The following FGF6 variants were observed in gnomAD, a reference collection of about 807,000 sequenced individuals.
The protein encoded by FGF6 is fibroblast growth factor 6.
FGF6 carries 14 observed loss-of-function variants against 18.4 expected under a neutral mutation model. The ratio of observed to expected loss-of-function variants is 0.76; its 90% confidence interval spans 0.50 to 1.19. FGF6 has a LOEUF of 1.19. Among genes scored for constraint, FGF6 ranks in the 50% most tolerant of loss-of-function variants. The pLI is 0.00. For missense variants in FGF6, 266 were observed against 271.6 expected (o/e 0.98, Z 0.15); for synonymous variants, 125 against 116.7 (o/e 1.07, Z -0.46).
intron 2 of FGF6, among the ~76,000 whole-genome samples, chr12:4,441,307 C>T (rs1865687477): frequency 6.6e-6 from 1 of 152,164 alleles, no homozygotes; most frequent in Non-Finnish European, 1.5e-5. Flanking sequence ...GTAGGTTGGC[C>T]AGGAACTGGA....
intron 2 of FGF6, among the ~76,000 whole-genome samples, chr12:4,443,876 C>T (rs1332426462): frequency 6.6e-6 from 1 of 152,258 alleles, no homozygotes; most frequent in South Asian, 2.1e-4. Context: ...GCTCCCTGAG[C>T]TGTGGTTTCC....
intron 2 of FGF6, among the ~76,000 whole-genome samples, chr12:4,441,657 G>A (rs1865692137): frequency 6.6e-6 from 1 of 151,990 alleles, no homozygotes; most frequent in African/African-American, 2.4e-5. Context: ...TCGTTGCCTT[G>A]TCCCCCTCAC....
intron 2 of FGF6, among the ~76,000 whole-genome samples, chr12:4,435,470 C>T (rs1471648521): frequency 6.6e-6 from 1 of 152,198 alleles, no homozygotes; most frequent in Non-Finnish European, 1.5e-5. Flanking sequence ...ATCACTCACC[C>T]TGTCCATGGA....
rs17183578 is a variant in FGF6, at chr12:4,444,350, A to G, written c.347-114T>C. Reference sequence around the variant, plus strand: ...CTTCTCCTAGAAAGCCAGACTCTCCATTGCCCCATCCATGATCCCTCTAAC... The same window carrying G: ...CTTCTCCTAGAAAGCCAGACTCTCCGTTGCCCCATCCATGATCCCTCTAAC... On this transcript the variant is annotated intron_variant, in intron 1 of 2. Coordinates refer to ENST00000228837, the MANE Select transcript of FGF6 (RefSeq NM_020996.3). 1.2e-3 allele frequency: 810 copies of G among 698,034 alleles called. 10 individuals carry two copies. In the East Asian group the frequency reaches 0.017, roughly 15 times the overall value. The allele number at this position is 698,034 out of a possible 1,614,324, so 43.2% of individuals were successfully genotyped here.
intron 2 of FGF6, among the ~76,000 whole-genome samples, chr12:4,442,555 A>G (rs551395129): frequency 6.6e-6 from 1 of 151,926 alleles, no homozygotes; most frequent in East Asian, 1.9e-4. Flanking sequence ...TTTACTTGCT[A>G]AAACGTCCCT....
intron 2 of FGF6, among the ~76,000 whole-genome samples, chr12:4,438,751 CA>C (rs386375443): frequency 3.7e-3 from 147 of 39,692 alleles, no homozygotes; most frequent in African/African-American, 9.4e-3. Flanking sequence ...GACTCTATCT[CA>C]AAAAAAAAAA....
At chr12:4,441,229 C>T (rs1489715136) in intron 2 of FGF6, among the ~76,000 whole-genome samples, 1 of 152,210 alleles carries the variant, frequency 6.6e-6, no homozygotes, top group Non-Finnish European at 1.5e-5. Flanking sequence ...GCCTCATCCT[C>T]AGAGAGCAGA....
chr12:4,441,848 T>C (rs534115116), intron 2 of FGF6, among the ~76,000 whole-genome samples: 1 of 152,194 alleles, frequency 6.6e-6, no homozygotes, highest in East Asian at 1.9e-4. Context: ...ATTGTTTTTT[T>C]AGACTGTGAT....
Position 4,445,325 on chromosome 12 carries a change from G to T in FGF6, c.246C>A (p.Ile82=), listed in dbSNP as rs1865747513. The part of the protein sequence containing the change: ...VNWESGYLVG[I]KRQRRLYCNV... ...TGCAGTAGAGCCTCCGCTGCCGCTT[G>T]ATCCCCACCAAATAGCCACTTTCCC... Residue 82 remains isoleucine, a synonymous_variant, in exon 1 of 3, where the codon ATC becomes ATA. Coordinates refer to ENST00000228837, the MANE Select transcript of FGF6 (RefSeq NM_020996.3). The surrounding 1 kb of genome is among the most constrained non-coding windows in gnomAD (Gnocchi z 5.5). The T allele has an allele frequency of 1.2e-6, 2 of 1,614,092 alleles. No homozygotes were observed. Among genetic ancestry groups the T allele is most frequent in the South Asian group, 1.1e-5 (1 of 91,090 alleles).
chr12:4,442,920 C>T (rs1330765323), intron 2 of FGF6, among the ~76,000 whole-genome samples: 1 of 152,216 alleles, frequency 6.6e-6, no homozygotes. Context: ...ATTTAAAATA[C>T]AAAAACAAAT....
intron 2 of FGF6, among the ~76,000 whole-genome samples, chr12:4,440,039 G>A (rs1865672770): frequency 6.6e-6 from 1 of 152,196 alleles, no homozygotes; most frequent in Non-Finnish European, 1.5e-5. Flanking sequence ...CATGGCTTGG[G>A]AATGTTGGCC....
rs181275057 is a variant in FGF6, at chr12:4,435,606, A to T, written c.451-1215T>A. Reference sequence around the variant, plus strand: ...AGGAGCAGGAATTTTTATGGGGAAAAGGACCTGGTTCCCAATGTGACAGGT... The same window carrying T: ...AGGAGCAGGAATTTTTATGGGGAAATGGACCTGGTTCCCAATGTGACAGGT... On this transcript the variant is annotated intron_variant, in intron 2 of 2. Coordinates refer to ENST00000228837, the MANE Select transcript of FGF6 (RefSeq NM_020996.3). 5.1e-4 allele frequency among the ~76,000 whole-genome samples: 77 copies of T among 152,266 alleles called. 1 individual carries two copies. The East Asian group carries it at 0.013, about 25-fold the overall frequency.
At chr12:4,441,022 G>A (rs1241160752) in intron 2 of FGF6, among the ~76,000 whole-genome samples, 6 of 152,222 alleles carry the variant, frequency 3.9e-5, no homozygotes, top group African/African-American at 9.6e-5. Context: ...TACTGTTGAC[G>A]AAAAGCATGT....
intron 2 of FGF6, among the ~76,000 whole-genome samples, chr12:4,436,621 ATAAAT>A (rs1865631788): frequency 6.6e-6 from 1 of 152,138 alleles, no homozygotes. Context: ...TGTCTCAAGA[ATAAAT>A]AAATAAGTAA....
intron 2 of FGF6, among the ~76,000 whole-genome samples, chr12:4,438,978 G>A (rs1373441952): frequency 6.6e-6 from 1 of 152,138 alleles, no homozygotes; most frequent in African/African-American, 2.4e-5. Flanking sequence ...GTGCGTGCAC[G>A]TGTGCGTTAG....
intron 2 of FGF6, among the ~76,000 whole-genome samples, chr12:4,441,139 C>G (rs902675744): frequency 6.6e-6 from 1 of 152,210 alleles, no homozygotes; most frequent in Non-Finnish European, 1.5e-5. Flanking sequence ...TCTAATAGAA[C>G]CACTGTCAGG....
chr12:4,445,652 G>A lies in FGF6; in HGVS notation c.-82C>T, dbSNP rs1435501685. 2.6e-5 allele frequency: 30 copies of A among 1,151,178 alleles called. No individual in the cohort carries two copies. Among genetic ancestry groups the A allele is most frequent in the Admixed American group, 1.1e-4 (4 of 36,160 alleles). 71.3% of individuals were successfully genotyped at this position (1,151,178 alleles called of 1,614,324 possible). On this transcript the variant is annotated 5_prime_UTR_variant, in exon 1 of 3. Transcript: ENST00000228837. The surrounding 1 kb of genome is among the most constrained non-coding windows in gnomAD (Gnocchi z 5.5). ...CTTGTTTTTCTCCCTCCGGCATGGC[G>A]GCAGGGGCTTATTTTTGGAAGGCAG...
Position 4,445,133 on chromosome 12 carries a change from C to A in FGF6, c.346+92G>T, listed in dbSNP as rs183792890. Reference sequence around the variant, plus strand: ...CAGCATTTCTGCCCCCTTTATCGTGCATCCTGTCCGCTAGAGCAGGGCCCC... The same window carrying A: ...CAGCATTTCTGCCCCCTTTATCGTGAATCCTGTCCGCTAGAGCAGGGCCCC... On this transcript the variant is annotated intron_variant, in intron 1 of 2. Transcript: ENST00000228837. This position sits in a 1 kb window ranked among gnomAD's most constrained non-coding sequence, Gnocchi z 5.5. 1.1e-3 allele frequency: 1,156 copies of A among 1,086,628 alleles called. 2 individuals carry two copies. The highest frequency in any genetic ancestry group is 1.4e-3 in the Non-Finnish European group (1,059 of 758,444). 67.3% of individuals were successfully genotyped at this position (1,086,628 alleles called of 1,614,324 possible).
intron 2 of FGF6, among the ~76,000 whole-genome samples, chr12:4,439,024 G>T (rs1865656621): frequency 6.6e-6 from 1 of 152,182 alleles, no homozygotes. Context: ...TGAAACACTG[G>T]TAACTGGGGC....
Sources: gnomAD v4.1 joint callset for allele counts (sites outside exome capture counted in the v4.1 genomes callset) on GRCh38, gnomAD v4.1.1 for gene constraint, Gnocchi (gnomAD v3.1) non-coding constraint, MANE v1.5 for transcripts, NCBI Gene and HGNC (gene_info 2026-07-23, HGNC 2026-07-21) for gene names.